ZNF804B: variants seen among roughly 807,000 people sequenced by gnomAD.
The protein encoded by ZNF804B is zinc finger 804B.
Under a neutral mutation model 101.4 loss-of-function variants are expected in ZNF804B, and 80 were observed. That is an observed-to-expected ratio of 0.79 (90% CI 0.66 to 0.95). The LOEUF is 0.95. ZNF804B is among the 40% of genes least tolerant of loss of function. The pLI is 0.00. For synonymous variants in ZNF804B, 622 were observed against 558.8 expected (o/e 1.11, Z -1.59); for missense variants, 1,673 against 1,561.9 (o/e 1.07, Z -1.20).
chr7:89,079,327 T>C (rs1053493588), intron 1 of ZNF804B, among the ~76,000 whole-genome samples: 1 of 152,106 alleles, frequency 6.6e-6, no homozygotes, highest in East Asian at 1.9e-4. Flanking sequence ...TGACATTTCC[T>C]TTGCAGTTCT....
chr7:89,336,518 G>A lies in ZNF804B; in HGVS notation c.3536G>A (p.Arg1179Gln), dbSNP rs769663258. Residue 1179 changes from arginine to glutamine, a missense_variant, in exon 4 of 4, where the codon CGA (arginine) becomes CAA (glutamine). By Grantham distance (43) the Arg-to-Gln change is conservative. Transcript: ENST00000333190. ...AAGCAACTCCTATCAAAGCATCTTC[G>A]AGTTTTGCCTGCTGCAGGGCCTACT... The part of the protein sequence containing the change: ...MQKQLLSKHL[R>Q]VLPAAGPTAF... 3.1e-6 allele frequency: 5 copies of A among 1,613,882 alleles called. No individual in the cohort carries two copies. Among genetic ancestry groups the A allele is most frequent in the Admixed American group, 3.3e-5 (2 of 59,934 alleles).
chr7:89,004,644 T>C (rs1036628130), intron 1 of ZNF804B, among the ~76,000 whole-genome samples: 6 of 151,892 alleles, frequency 4.0e-5, no homozygotes, highest in Non-Finnish European at 7.4e-5. Context: ...GTGGTGAATA[T>C]TTTTAGTGGT....
chr7:89,129,628 T>C (rs968217090), intron 1 of ZNF804B, among the ~76,000 whole-genome samples: 6 of 152,044 alleles, frequency 3.9e-5, no homozygotes, highest in African/African-American at 1.4e-4. Flanking sequence ...CTAAGACCTC[T>C]AAATTTATTA....
At chr7:89,039,485 AT>A (rs967934144) in intron 1 of ZNF804B, among the ~76,000 whole-genome samples, 9 of 151,906 alleles carry the variant, frequency 5.9e-5, no homozygotes, top group Admixed American at 2.6e-4. Flanking sequence ...TGTTTTCATA[AT>A]TTTTTTAGAT....
At chr7:89,284,104 A>G (rs1790141097) in intron 2 of ZNF804B, among the ~76,000 whole-genome samples, 1 of 152,242 alleles carries the variant, frequency 6.6e-6, no homozygotes, top group South Asian at 2.1e-4. Flanking sequence ...GTAAATGTAA[A>G]CAAACACAAA....
intron 1 of ZNF804B, among the ~76,000 whole-genome samples, chr7:89,206,935 A>G (rs1788722816): frequency 6.6e-6 from 1 of 152,190 alleles, no homozygotes; most frequent in Non-Finnish European, 1.5e-5. Flanking sequence ...TCTCTTTGCT[A>G]AAACATAACA....
chr7:89,255,082 A>G (rs1218708034), intron 2 of ZNF804B, among the ~76,000 whole-genome samples: 1 of 152,250 alleles, frequency 6.6e-6, no homozygotes, highest in African/African-American at 2.4e-5. Flanking sequence ...ATTGACTCAC[A>G]GTTCCACATT....
chr7:89,112,236 C>CT (rs1790228766), intron 1 of ZNF804B, among the ~76,000 whole-genome samples: 1 of 151,738 alleles, frequency 6.6e-6, no homozygotes, highest in Non-Finnish European at 1.5e-5. Context: ...TCTTATAAAA[C>CT]TTTAATAGTC....
At chr7:89,166,539 G>T (rs902508723) in intron 1 of ZNF804B, among the ~76,000 whole-genome samples, 2 of 152,242 alleles carry the variant, frequency 1.3e-5, no homozygotes, top group Admixed American at 6.5e-5. Flanking sequence ...GTCTGCAATA[G>T]TAGGCAACCA....
At chr7:89,277,191 C>T (rs1789994460) in intron 2 of ZNF804B, among the ~76,000 whole-genome samples, 1 of 149,052 alleles carries the variant, frequency 6.7e-6, no homozygotes, top group Admixed American at 6.7e-5. Flanking sequence ...TTTACATACA[C>T]ACAGAAGAGA....
chr7:89,325,191 G>T (rs1472261544), intron 2 of ZNF804B, among the ~76,000 whole-genome samples: 3 of 150,814 alleles, frequency 2.0e-5, no homozygotes, highest in Non-Finnish European at 4.4e-5. Context: ...AGATCTCTGG[G>T]TTTTTTTTTC....
intron 1 of ZNF804B, among the ~76,000 whole-genome samples, chr7:88,811,612 G>C (rs1325017830): frequency 1.3e-5 from 2 of 152,076 alleles, no homozygotes; most frequent in Non-Finnish European, 2.9e-5. Context: ...AGAAAAGGTG[G>C]TACATATACA....
At chr7:89,158,092 C>T (rs1791003561) in intron 1 of ZNF804B, among the ~76,000 whole-genome samples, 1 of 152,018 alleles carries the variant, frequency 6.6e-6, no homozygotes, top group Admixed American at 6.6e-5. Flanking sequence ...TAACCCTAAC[C>T]TTAAATTGGG....
intron 1 of ZNF804B, among the ~76,000 whole-genome samples, chr7:89,203,705 G>A (rs1277992815): frequency 6.6e-6 from 1 of 152,094 alleles, no homozygotes; most frequent in Non-Finnish European, 1.5e-5. Context: ...CTCTGGTACA[G>A]AACAAGTAAA....
At chr7:88,980,957 C>T (rs1332699771) in intron 1 of ZNF804B, among the ~76,000 whole-genome samples, 1 of 152,066 alleles carries the variant, frequency 6.6e-6, no homozygotes, top group East Asian at 1.9e-4. Context: ...GAATCCAAGG[C>T]CTGGAATGTG....
chr7:89,279,565 T>C lies in ZNF804B; in HGVS notation c.250-47779T>C, dbSNP rs544697067. Reference sequence around the variant, plus strand: ...TATTGAGAGTTTTTAGCATGAAGCGTTGTTGAATTTTGTCAAAGGCCTTTT... The same window carrying C: ...TATTGAGAGTTTTTAGCATGAAGCGCTGTTGAATTTTGTCAAAGGCCTTTT... On this transcript the variant is annotated intron_variant, in intron 2 of 3. Coordinates refer to ENST00000333190, the MANE Select transcript of ZNF804B (RefSeq NM_181646.5). Among the ~76,000 whole-genome samples, 623 of 152,094 alleles carry C rather than the reference T, an allele frequency of 4.1e-3. 5 individuals are homozygous for C. The highest frequency in any genetic ancestry group is 0.014 in the African/African-American group (593 of 41,460).
At chr7:89,138,928 T>C (rs1790676525) in intron 1 of ZNF804B, among the ~76,000 whole-genome samples, 1 of 152,128 alleles carries the variant, frequency 6.6e-6, no homozygotes, top group African/African-American at 2.4e-5. Flanking sequence ...TGTCTTTCTC[T>C]TGTAAATTGC....
chr7:88,947,019 A>G (rs1225378498), intron 1 of ZNF804B, among the ~76,000 whole-genome samples: 4 of 152,038 alleles, frequency 2.6e-5, no homozygotes, highest in Non-Finnish European at 5.9e-5. Context: ...GAAGCAACAG[A>G]TGCTGGAGAG....
chr7:89,070,820 G>A (rs1365341518), intron 1 of ZNF804B, among the ~76,000 whole-genome samples: 2 of 151,898 alleles, frequency 1.3e-5, no homozygotes, highest in East Asian at 1.9e-4. Context: ...GCCCCTTAAT[G>A]GGCATTCAAG....
Sources: allele counts gnomAD v4.1 joint callset (sites outside exome capture counted in the v4.1 genomes callset), GRCh38; gene constraint gnomAD v4.1.1; transcripts MANE v1.5; gene names NCBI Gene and HGNC (gene_info 2026-07-23, HGNC 2026-07-21).